The following CIZ1 variants were observed in gnomAD, a reference collection of about 807,000 sequenced individuals.
CIZ1 encodes CDKN1A interacting zinc finger protein 1, also known as cip1-interacting zinc finger protein.
A neutral mutation model predicts 118.6 loss-of-function variants in CIZ1; 58 were observed. The observed-to-expected ratio is 0.49, with a 90% CI of 0.40 to 0.61. CIZ1 has a LOEUF of 0.61. Among genes scored for constraint, CIZ1 ranks in the 20% least tolerant of loss-of-function variants. The pLI is 0.00. For missense variants in CIZ1, 921 were observed against 1,115.9 expected (o/e 0.83, Z 2.49); for synonymous variants, 448 against 443.4 (o/e 1.01, Z -0.13).
chr9:128,167,250 C>A, intron 14 of CIZ1, 86 bp from the exon 15 acceptor site: 1 of 957,856 alleles, frequency 1.0e-6, no homozygotes. Flanking sequence ...ACCACCAATG[C>A]CCTTGGACAC....
At position 128,190,440 on chromosome 9, in the gene CIZ1, G is replaced by T. The variant is rs1311753993; in HGVS notation, c.175C>A (p.Leu59Ile). ...GGCTGCTGTGGCTGCTGCGGGGGGA[G>T]CCCCCTGTGTGTTGGGAGGGGGTGT... Reference protein sequence around the residue: ...APLPMAVSRGLPPQQPQQPLL... With the variant: ...APLPMAVSRGIPPQQPQQPLL... Residue 59 changes from leucine (L) to isoleucine (I), a missense_variant, in exon 3 of 17, where the codon CTC becomes ATC. By Grantham distance (5) the Leu-to-Ile change is conservative (BLOSUM62 2). Transcript: ENST00000372938. The T allele has an allele frequency of 8.1e-6, 13 of 1,610,552 alleles. No homozygotes were observed. The highest frequency in any genetic ancestry group is 1.1e-5 in the Non-Finnish European group (13 of 1,178,020).
At chr9:128,180,679 C>G in intron 6 of CIZ1, 42 bp downstream of exon 6, 2 of 1,485,544 alleles carry the variant, frequency 1.3e-6, no homozygotes, top group South Asian at 1.1e-5. Context: ...GGCCCCACCC[C>G]ATTCATGTCC....
Position 128,180,496 on chromosome 9 carries a change from T to A in CIZ1, c.710A>T (p.Asp237Val). 1 of 1,614,076 alleles carries A rather than the reference T, an allele frequency of 6.2e-7. No individual in the cohort carries two copies. Among genetic ancestry groups the A allele is most frequent in the Non-Finnish European group, 8.5e-7 (1 of 1,180,000 alleles). ...TGGAGTGCGTTTTTCCTTGGCGATGTCCTCTGGGCAGGGCGGTAAATCTTG... is the reference window on the plus strand; with the variant it reads ...TGGAGTGCGTTTTTCCTTGGCGATGACCTCTGGGCAGGGCGGTAAATCTTG... ...EDQDLPPCPE[D>V]IAKEKRTPAP... Residue 237 changes from aspartate (D) to valine (V), a missense_variant, in exon 7 of 17, where the codon GAC (aspartate) becomes GTC (valine). Asp to Val is a radical substitution (Grantham distance 152). Transcript: ENST00000372938.
At chr9:128,177,788 T>C in intron 9 of CIZ1, 25 bp from the exon 10 acceptor site, 1 of 1,512,282 alleles carries the variant, frequency 6.6e-7, no homozygotes. Flanking sequence ...GGAACTGAAC[T>C]TCCATCAACT....
chr9:128,176,431 T>C lies in CIZ1; in HGVS notation c.1863A>G (p.Leu621=). ...CTTGGCTCATGTGCTGGATCTCCCC[T>C]AGCCGCTGCTGGTGCTGAGGCTCCG... The part of the protein sequence containing the change: ...HMSEPQHQQR[L]GEIQHMSQAC... The change falls in exon 11 of 17, where the codon CTA becomes CTG. Residue 621 remains leucine, a synonymous_variant. Transcript: ENST00000372938. The C allele has an allele frequency of 6.2e-7, 1 of 1,613,850 alleles. No homozygotes were observed. Among genetic ancestry groups the C allele is most frequent in the Non-Finnish European group, 8.5e-7 (1 of 1,179,960 alleles).
chr9:128,203,271 G>A lies in CIZ1; in HGVS notation c.-6+915C>T, dbSNP rs1048915399. The A allele has an allele frequency of 6.7e-5, 16 of 239,770 alleles. No individual in the cohort carries two copies. The East Asian group carries it at 1.6e-3, about 23-fold the overall frequency. The allele number at this position is 239,770 out of a possible 1,614,324, so 14.9% of individuals were successfully genotyped here. On this transcript the variant is annotated intron_variant, in intron 1 of 17. Coordinates refer to the CIZ1 transcript ENST00000372948. The surrounding 1 kb of genome is among the most constrained non-coding windows in gnomAD (Gnocchi z 5.3). The stretch of plus-strand genomic sequence containing the variant: ...CTACGACACCCATGATGCCCCGGAC[G>A]GCGCCTGCGCACGGCGGCCGGCCCG...
At chr9:128,200,775 T>C (rs2131051891) in intron 1 of CIZ1, among the ~76,000 whole-genome samples, 1 of 151,192 alleles carries the variant, frequency 6.6e-6, no homozygotes, top group African/African-American at 2.4e-5. Context: ...AGGCGGAGGT[T>C]GCAGTGAGCT....
chr9:128,173,135 CTTTTTTTTT>C (rs957423189), intron 11 of CIZ1, among the ~76,000 whole-genome samples: 2 of 80,796 alleles, frequency 2.5e-5, no homozygotes, highest in South Asian at 4.3e-4. Context: ...TGGCTAATTT[CTTTTTTTTT>C]TTTTTTTTTT....
chr9:128,169,017 C>T (rs1310565245), intron 14 of CIZ1, 35 bp downstream of exon 14: 3 of 1,612,834 alleles, frequency 1.9e-6, no homozygotes, highest in Middle Eastern at 3.3e-4. Context: ...GGGAATCCAG[C>T]ACCAAGCCCG....
At chr9:128,192,103 A>G (rs186638436), upstream of CIZ1, among the ~76,000 whole-genome samples, 611 of 152,264 alleles carry the variant, frequency 4.0e-3, 18 homozygotes, top group Admixed American at 0.037. Flanking sequence ...TTATCAAAAA[A>G]TAGCCCTAGG....
At chr9:128,183,632 A>G (rs555697440) in intron 5 of CIZ1, among the ~76,000 whole-genome samples, 31 of 152,356 alleles carry the variant, frequency 2.0e-4, no homozygotes, top group African/African-American at 6.5e-4. Context: ...GGAGAAAGGT[A>G]AACACCTCTC....
chr9:128,190,430 T>G lies in CIZ1; in HGVS notation c.185A>C (p.Gln62Pro). ...PMAVSRGLPP[Q>P]QPQQPLLNLQ... ...ATTCAGAAGCGGCTGCTGTGGCTGCTGCGGGGGGAGCCCCCTGTGTGTTGG... is the reference window on the plus strand; with the variant it reads ...ATTCAGAAGCGGCTGCTGTGGCTGCGGCGGGGGGAGCCCCCTGTGTGTTGG... Residue 62 changes from glutamine (Q) to proline (P), a missense_variant, in exon 3 of 17, where the codon CAG (glutamine) becomes CCG (proline). Physicochemically the swap from Gln to Pro is moderately conservative, Grantham distance 76. Transcript: ENST00000372938. The G allele has an allele frequency of 6.2e-7, 1 of 1,612,872 alleles. No homozygotes were observed. Among genetic ancestry groups the G allele is most frequent in the Non-Finnish European group, 8.5e-7 (1 of 1,179,300 alleles).
Position 128,177,556 on chromosome 9 carries a change from G to T in CIZ1, c.1818+10C>A. 2 of 1,344,002 alleles carry T rather than the reference G, an allele frequency of 1.5e-6. No homozygotes were observed. The highest frequency in any genetic ancestry group is 1.0e-6 in the Non-Finnish European group (1 of 1,002,834). The allele number at this position is 1,344,002 out of a possible 1,614,324, so 83.3% of individuals were successfully genotyped here. On this transcript the variant is annotated intron_variant, in intron 10 of 16. Transcript: ENST00000372938. ...CCACCCCTCCCCACCCTTATCTCCT[G>T]TATCAGTACCTGCTGGCTGGAGCAG...
Position 128,166,392 on chromosome 9 carries a change from G to A in CIZ1, c.2502C>T (p.Ala834=), listed in dbSNP as rs1320285686. Reference sequence around the variant, plus strand: ...GTCGGGTGGTGGGGCTGGGGTTCTTGGCCGCCTTGTATTTCTGGATACAGA... The same window carrying A: ...GTCGGGTGGTGGGGCTGGGGTTCTTAGCCGCCTTGTATTTCTGGATACAGA... ...HFENLQKYKA[A]KNPSPTTRPV... is the part of the protein sequence containing the mutation. The change falls in exon 17 of 17, where the codon GCC becomes GCT. Residue 834 remains alanine (A), a synonymous_variant. Coordinates refer to ENST00000372938, the MANE Select transcript of CIZ1 (RefSeq NM_001131016.2). The surrounding 1 kb of genome is among the most constrained non-coding windows in gnomAD (Gnocchi z 4.4). 6.5e-7 allele frequency: 1 copy of A among 1,540,212 alleles called. No individual in the cohort carries two copies. Among genetic ancestry groups the A allele is most frequent in the Admixed American group, 2.0e-5 (1 of 50,146 alleles).
At chr9:128,193,509 G>A (rs544891885), upstream of CIZ1, among the ~76,000 whole-genome samples, 2 of 152,038 alleles carry the variant, frequency 1.3e-5, no homozygotes, top group East Asian at 1.9e-4. Flanking sequence ...TCAGGAGTTC[G>A]ACACCAGCCT....
At chr9:128,180,591 G>A (rs1831457509) in intron 6 of CIZ1, 68 bp from the exon 7 acceptor site, 5 of 1,465,374 alleles carry the variant, frequency 3.4e-6, no homozygotes, top group Admixed American at 3.4e-5. Flanking sequence ...TCCAAGAGAT[G>A]GGGCCTGGGC....
chr9:128,200,484 C>T (rs1833484925), intron 1 of CIZ1, among the ~76,000 whole-genome samples: 3 of 151,696 alleles, frequency 2.0e-5, no homozygotes, highest in Admixed American at 1.3e-4. Context: ...ATGATGAAAC[C>T]CCGTCTCTAC....
In CIZ1 at chr9:128,203,595, C is replaced by A; in HGVS notation, c.-6+591G>T. 6.4e-7 allele frequency: 1 copy of A among 1,550,790 alleles called. No homozygotes were observed. ...ATCGCTGTGGTGGGCGGCCAGAGCG[C>A]CGGCAAGAGCTCGGTGCTCGAGAAT... On this transcript the variant is annotated intron_variant, in intron 1 of 17. Coordinates refer to the CIZ1 transcript ENST00000372948. This position sits in a 1 kb window ranked among gnomAD's most constrained non-coding sequence, Gnocchi z 5.3.
At chr9:128,177,542 C>CCCCCCCAAAA in intron 10 of CIZ1, 24 bp downstream of exon 10, 49 of 1,229,462 alleles carry the variant, frequency 4.0e-5, no homozygotes, top group Non-Finnish European at 4.9e-5. Flanking sequence ...CACCCCTCCC[C>CCCCCCCAAAA]ACCCTTATCT....
Sources: gnomAD v4.1 joint callset for allele counts (sites outside exome capture counted in the v4.1 genomes callset) on GRCh38, gnomAD v4.1.1 for gene constraint, Gnocchi (gnomAD v3.1) non-coding constraint, MANE v1.5 for transcripts, NCBI Gene and HGNC (gene_info 2026-07-23, HGNC 2026-07-21) for gene names.